The following TCIRG1 variants were observed in gnomAD, a reference collection of about 807,000 sequenced individuals.
TCIRG1 encodes the protein T cell immune regulator 1, ATPase H+ transporting V0 subunit a3.
A neutral mutation model predicts 95.5 loss-of-function variants in TCIRG1; 86 were observed. The ratio of observed to expected loss-of-function variants is 0.90; its 90% confidence interval spans 0.76 to 1.08. The LOEUF (loss-of-function observed/expected upper bound fraction) is 1.08, where lower values mean the gene tolerates loss of function less well. Ranked by LOEUF, TCIRG1 falls within the 50% of genes least tolerant of loss-of-function variation. The pLI is 0.00. For synonymous variants in TCIRG1, 499 were observed against 501.3 expected (o/e 1.00, Z 0.06); for missense variants, 1,069 against 1,140.2 (o/e 0.94, Z 0.90).
At chr11:68,047,338 T>A in intron 10 of TCIRG1, 95 bp from the exon 11 acceptor site, 1 of 1,325,044 alleles carries the variant, frequency 7.5e-7, no homozygotes, top group Non-Finnish European at 1.0e-6. Context: ...GATGGGTTCT[T>A]GACTGCAGGC....
chr11:68,048,238 C>T (rs371148857), intron 13 of TCIRG1: 1 of 579,460 alleles, frequency 1.7e-6, no homozygotes, highest in Admixed American at 2.9e-5. Flanking sequence ...AACCAGCCTG[C>T]AGCTTGCACT....
downstream of TCIRG1, chr11:68,052,745 A>T (rs1855841066): frequency 6.6e-6 from 1 of 152,262 alleles, no homozygotes; most frequent in Non-Finnish European, 1.5e-5. Context: ...AGAGCAGCGG[A>T]GCACTGCTAA....
downstream of TCIRG1, chr11:68,051,004 C>T: frequency 1.5e-6 from 1 of 681,488 alleles, no homozygotes; most frequent in Non-Finnish European, 2.6e-6. Context: ...CTGAGCAGAT[C>T]TGCAATAATG....
At position 68,047,523 on chromosome 11, in the gene TCIRG1, C is replaced by T; in HGVS notation, c.1256C>T (p.Ala419Val). The change falls in exon 11 of 20, where the codon GCC (alanine) becomes GTC (valine). Residue 419 changes from alanine (A) to valine (V), a missense_variant. By Grantham distance (64) the Ala-to-Val change is moderately conservative. Transcript: ENST00000265686. ...CTGCTCATGTTCCTGTTCGCCCTGG[C>T]CATGGTCCTTGCGGAGAACCGACCG... ...HGLLMFLFAL[A>V]MVLAENRPAV... 6.2e-7 allele frequency: 1 copy of T among 1,614,084 alleles called. No homozygotes were observed. Among genetic ancestry groups the T allele is most frequent in the Non-Finnish European group, 8.5e-7 (1 of 1,180,018 alleles).
At position 68,049,192 on chromosome 11, in the gene TCIRG1, C is replaced by T. The variant is rs746521097; in HGVS notation, c.1785C>T (p.Val595=). Residue 595 remains valine, a synonymous_variant, in exon 15 of 20, where the codon GTC becomes GTT. Coordinates refer to ENST00000265686, the MANE Select transcript of TCIRG1 (RefSeq NM_006019.4). ...VFLVIYKWLC[V]WAARAASAPS... is the part of the protein sequence containing the mutation. Reference sequence around the variant, plus strand: ...TAGTCATCTACAAGTGGCTGTGTGTCTGGGCTGCCAGGGCCGCCTCGGCCC... The same window carrying T: ...TAGTCATCTACAAGTGGCTGTGTGTTTGGGCTGCCAGGGCCGCCTCGGCCC... The T allele has an allele frequency of 7.4e-6, 12 of 1,613,920 alleles. No homozygotes were observed. In the South Asian group the frequency reaches 1.2e-4, roughly 16 times the overall value.
downstream of TCIRG1, among the ~76,000 whole-genome samples, chr11:68,051,835 C>G (rs191018435): frequency 3.9e-5 from 6 of 152,308 alleles, no homozygotes; most frequent in Admixed American, 3.9e-4. Context: ...GGGGAGAGAG[C>G]TGGGCAGAGA....
chr11:68,045,173 G>C (rs938592420), intron 10 of TCIRG1, 71 bp downstream of exon 10: 3 of 1,580,594 alleles, frequency 1.9e-6, no homozygotes, highest in South Asian at 1.1e-5. Flanking sequence ...GTGAGCCTGA[G>C]GGGGAGGTAT....
In TCIRG1 at chr11:68,050,527, C is replaced by G; in HGVS notation, c.2277C>G (p.Gly759=). ...EVLWAMVMRI[G]LGLGREVGVA... ...TGTGGGCCATGGTGATGCGCATAGG[C>G]CTGGGCCTGGGCCGGGAGGTGGGCG... The change falls in exon 19 of 20, where the codon GGC becomes GGG. Residue 759 remains glycine (G), a synonymous_variant. Transcript: ENST00000265686. 1 of 1,613,818 alleles carries G rather than the reference C, an allele frequency of 6.2e-7. No homozygotes were observed. Among genetic ancestry groups the G allele is most frequent in the Non-Finnish European group, 8.5e-7 (1 of 1,180,006 alleles).
chr11:68,050,773 C>A lies in TCIRG1; in HGVS notation c.2447C>A (p.Thr816Lys), dbSNP rs778688282. 3 of 1,613,750 alleles carry A rather than the reference C, an allele frequency of 1.9e-6. No homozygotes were observed. In the African/African-American group the frequency reaches 4.0e-5, roughly 22 times the overall value. Residue 816 changes from threonine to lysine, a missense_variant, in exon 20 of 20, where the codon ACG (threonine) becomes AAG (lysine). By Grantham distance (78) the Thr-to-Lys change is moderately conservative (BLOSUM62 -1). Transcript: ENST00000265686. The part of the protein sequence containing the change: ...VEFQNKFYSG[T>K]GYKLSPFTFA... ...TTCCAGAACAAGTTCTACTCAGGCACGGGCTACAAGCTGAGTCCCTTCACC... is the reference window on the plus strand; with the variant it reads ...TTCCAGAACAAGTTCTACTCAGGCAAGGGCTACAAGCTGAGTCCCTTCACC...
At position 68,043,826 on chromosome 11, in the gene TCIRG1, C is replaced by T. The variant is rs1054033489; in HGVS notation, c.726C>T (p.His242=). ...IRKITDCFHC[H]VFPFLQQEEA... The stretch of plus-strand genomic sequence containing the variant: ...ATCCTCCCTCCAGCTTCCACTGCCA[C>T]GTCTTCCCGTTTCTGCAGCAGGAGG... The change falls in exon 8 of 20, where the codon CAC becomes CAT. Residue 242 remains histidine, a synonymous_variant. Transcript: ENST00000265686. 2.0e-5 allele frequency: 31 copies of T among 1,563,378 alleles called. No individual in the cohort carries two copies. The highest frequency in any genetic ancestry group is 1.7e-4 in the Middle Eastern group (1 of 6,018).
chr11:68,042,162 CAGCTG>C (rs1162905981), intron 3 of TCIRG1, among the ~76,000 whole-genome samples: 1 of 151,868 alleles, frequency 6.6e-6, no homozygotes, highest in Non-Finnish European at 1.5e-5. Flanking sequence ...TTCTCCTCTA[CAGCTG>C]GGCTGGGGTG....
In TCIRG1 at chr11:68,043,404, C is replaced by T; in HGVS notation, c.537C>T (p.Ala179=). ...CAGGTGCCGTGGAGCCCCACAAGGC[C>T]CCTGCCCTAGAGCGCCTGCTCTGGA... ...FVAGAVEPHK[A]PALERLLWRA... Residue 179 remains alanine (A), a synonymous_variant, in exon 6 of 20, where the codon GCC becomes GCT. Transcript: ENST00000265686. The T allele has an allele frequency of 6.5e-7, 1 of 1,541,632 alleles. No individual in the cohort carries two copies. The highest frequency in any genetic ancestry group is 8.7e-7 in the Non-Finnish European group (1 of 1,146,566).
downstream of TCIRG1, among the ~76,000 whole-genome samples, chr11:68,051,580 G>A (rs1362534221): frequency 6.6e-6 from 1 of 152,254 alleles, no homozygotes; most frequent in African/African-American, 2.4e-5. Flanking sequence ...TCTTCCCACA[G>A]CTGTGGCTGA....
chr11:68,045,537 G>C (rs1855435548), intron 10 of TCIRG1, among the ~76,000 whole-genome samples: 2 of 152,074 alleles, frequency 1.3e-5, no homozygotes, highest in South Asian at 4.1e-4. Context: ...CCTTTGGTGT[G>C]GTTGCTTTGG....
intron 10 of TCIRG1, chr11:68,047,006 C>CT (rs5792432): frequency 0.46 from 146,242 of 318,796 alleles, 28,862 homozygotes; most frequent in Admixed American, 0.54. Context: ...GTGGTGGGTT[C>CT]TTTTTTTTTT....
chr11:68,048,532 G>C (rs1855623550), intron 13 of TCIRG1, among the ~76,000 whole-genome samples: 2 of 152,232 alleles, frequency 1.3e-5, no homozygotes, highest in South Asian at 4.1e-4. Context: ...GACCTCATGT[G>C]ATCCACCTGC....
chr11:68,048,092 T>A, intron 13 of TCIRG1, 120 bp downstream of exon 13: 1 of 891,638 alleles, frequency 1.1e-6, no homozygotes, highest in Non-Finnish European at 1.8e-6. Context: ...GCCAGGCCCT[T>A]TCCTCAGCAC....
downstream of TCIRG1, chr11:68,053,712 A>G: frequency 2.9e-6 from 1 of 348,710 alleles, no homozygotes; most frequent in Non-Finnish European, 5.2e-6. Flanking sequence ...CAAATATGAA[A>G]TGCCTTCTCT....
intron 18 of TCIRG1, 91 bp downstream of exon 18, chr11:68,050,345 G>A: frequency 6.3e-7 from 1 of 1,599,736 alleles, no homozygotes; most frequent in Non-Finnish European, 8.5e-7. Flanking sequence ...CTGGGCCTCA[G>A]TTTCCCCTCT....
Sources: gnomAD v4.1 joint callset for allele counts (sites outside exome capture counted in the v4.1 genomes callset) on GRCh38, gnomAD v4.1.1 for gene constraint, MANE v1.5 for transcripts, NCBI Gene and HGNC (gene_info 2026-07-23, HGNC 2026-07-21) for gene names.